Variants in CFAP157 observed in about 807,000 individuals in gnomAD.
CFAP157 encodes cilia- and flagella-associated protein 157.
In CFAP157, 43 loss-of-function variants were observed where a neutral mutation model predicts 57.8. The observed-to-expected ratio is 0.74, with a 90% CI of 0.58 to 0.96. The LOEUF (loss-of-function observed/expected upper bound fraction) is 0.96. CFAP157 is among the 40% of genes least tolerant of loss of function. The pLI is 0.00. For synonymous variants in CFAP157, 267 were observed against 269.0 expected, an observed-to-expected ratio of 0.99 and a Z score of 0.07; for missense variants, 606 against 655.3, an observed-to-expected ratio of 0.92 and a Z score of 0.82.
In CFAP157 at chr9:127,715,190, G is replaced by C. The variant is rs1842925520; in HGVS notation, c.*1285G>C. ...GGGCAGTCCGGGATTCCCCAGGCCA[G>C]CCACCTGCGGGCGGCACCAGGGAAA... is the stretch of plus-strand genomic sequence containing the variant. On this transcript the variant is annotated 3_prime_UTR_variant, in exon 9 of 9. Coordinates refer to ENST00000373295, the MANE Select transcript of CFAP157 (RefSeq NM_001012502.3). This position sits in a 1 kb window ranked among gnomAD's most constrained non-coding sequence, Gnocchi z 5.8. 1 of 1,526,116 alleles carries C rather than the reference G, an allele frequency of 6.6e-7. No individual in the cohort carries two copies. Among genetic ancestry groups the C allele is most frequent in the African/African-American group, 1.4e-5 (1 of 72,696 alleles). The allele number at this position is 1,526,116 out of a possible 1,614,324, so 94.5% of individuals were successfully genotyped here. A position where few individuals can be genotyped will look rare whatever the true frequency, so the allele number is the denominator to read the frequency against.
intron 6 of CFAP157, 71 bp from the exon 7 acceptor site, chr9:127,712,638 T>C: frequency 6.2e-7 from 1 of 1,612,038 alleles, no homozygotes; most frequent in Admixed American, 1.7e-5. Flanking sequence ...GGCACTGAGG[T>C]TGGAATTTCC....
rs565746487 is a variant in CFAP157 at position 127,714,128 on chromosome 9, C to A, written c.*223C>A. The A allele has an allele frequency of 1.2e-6, 2 of 1,613,512 alleles. No individual in the cohort carries two copies. Among genetic ancestry groups the A allele is most frequent in the Non-Finnish European group, 1.7e-6 (2 of 1,179,912 alleles). The stretch of plus-strand genomic sequence containing the variant: ...CGGCCCCAGTGAGGGCCCCTGGCTT[C>A]GCTCACGGATGTGGTCCAAGATCAG... On this transcript the variant is annotated 3_prime_UTR_variant, in exon 9 of 9. Transcript: ENST00000373295.
In CFAP157 at chr9:127,715,763, C is replaced by T; in HGVS notation, c.*1858C>T. On this transcript the variant is annotated 3_prime_UTR_variant, in exon 9 of 9. Coordinates refer to ENST00000373295, the MANE Select transcript of CFAP157 (RefSeq NM_001012502.3). The surrounding 1 kb of genome is among the most constrained non-coding windows in gnomAD (Gnocchi z 5.8). The stretch of plus-strand genomic sequence containing the variant: ...CGGGCCGGGCTACGTGGCCGCCATG[C>T]TTCTGAGGGGCGGAAGCGGCGAGGC... 2 of 1,512,744 alleles carry T rather than the reference C, an allele frequency of 1.3e-6. No homozygotes were observed. The highest frequency in any genetic ancestry group is 1.8e-6 in the Non-Finnish European group (2 of 1,136,822). The allele number at this position is 1,512,744 out of a possible 1,614,324, so 93.7% of individuals were successfully genotyped here.
rs762191160 is a variant in CFAP157, at chr9:127,714,118, C to G, written c.*213C>G. The G allele has an allele frequency of 1.5e-5, 24 of 1,613,098 alleles. No homozygotes were observed. Among genetic ancestry groups the G allele is most frequent in the Non-Finnish European group, 1.9e-5 (23 of 1,179,814 alleles). Reference sequence around the variant, plus strand: ...ACTAGTGTCACGGCCCCAGTGAGGGCCCCTGGCTTCGCTCACGGATGTGGT... The same window carrying G: ...ACTAGTGTCACGGCCCCAGTGAGGGGCCCTGGCTTCGCTCACGGATGTGGT... On this transcript the variant is annotated 3_prime_UTR_variant, in exon 9 of 9. Transcript: ENST00000373295.
rs371520904 is a variant in CFAP157 at position 127,708,096 on chromosome 9, T to C, written c.161+904T>C. Among the ~76,000 whole-genome samples the C allele has an allele frequency of 5.3e-5, 8 of 152,286 alleles. No individual in the cohort carries two copies. In the East Asian group the frequency reaches 1.4e-3, roughly 26 times the overall value. On this transcript the variant is annotated intron_variant, in intron 1 of 8. Transcript: ENST00000373295. ...GAGCCCTGGCCTCCTGACTCCCCTA[T>C]GCAAGACTGCTTCCTCAGCCCCCAC... is the stretch of plus-strand genomic sequence containing the variant.
At position 127,712,328 on chromosome 9, in the gene CFAP157, C is replaced by T; in HGVS notation, c.1116C>T (p.Ser372=). The T allele has an allele frequency of 6.2e-7, 1 of 1,613,978 alleles. No individual in the cohort carries two copies. The highest frequency in any genetic ancestry group is 8.5e-7 in the Non-Finnish European group (1 of 1,180,002). The stretch of plus-strand genomic sequence containing the variant: ...AGGCGGCTCTGGTCCAGGCCACCTC[C>T]TTCCTACAGAACATTCTGCAGGTGA... ...SLEAALVQAT[S]FLQNILQMHR... is the part of the protein sequence containing the mutation. Residue 372 remains serine (S), a synonymous_variant, in exon 6 of 9, where the codon TCC becomes TCT. Transcript: ENST00000373295.
At position 127,710,611 on chromosome 9, in the gene CFAP157, G is replaced by C; in HGVS notation, c.444G>C (p.Leu148=). The C allele has an allele frequency of 2.5e-6, 4 of 1,583,376 alleles. No individual in the cohort carries two copies. Among genetic ancestry groups the C allele is most frequent in the Non-Finnish European group, 3.4e-6 (4 of 1,164,504 alleles). Residue 148 remains leucine, a synonymous_variant, in exon 3 of 9, where the codon CTG becomes CTC. Coordinates refer to ENST00000373295, the MANE Select transcript of CFAP157 (RefSeq NM_001012502.3). ...TTENIILGGK[L]AALEEFRLQK... ...CGCTGTGGCGGCCAGGGGGGAAGCT[G>C]GCAGCCCTGGAGGAGTTCCGGCTGC...
At position 127,710,669 on chromosome 9, in the gene CFAP157, C is replaced by G; in HGVS notation, c.502C>G (p.Leu168Val). 11 of 1,584,398 alleles carry G rather than the reference C, an allele frequency of 6.9e-6. No individual in the cohort carries two copies. The highest frequency in any genetic ancestry group is 9.4e-6 in the Non-Finnish European group (11 of 1,164,830). ...GGAGGTCACGGACAAGTTCACATTG[C>G]TGGAGGAGCAGGTGCGGAAGCAGGA... ...KEEVTDKFTL[L>V]EEQVRKQENE... The change falls in exon 3 of 9, where the codon CTG (leucine) becomes GTG (valine). Residue 168 changes from leucine to valine, a missense_variant. By Grantham distance (32) the Leu-to-Val change is conservative. Transcript: ENST00000373295.
rs565506606 is a variant in CFAP157 at position 127,712,548 on chromosome 9, C to T, written c.1138-161C>T. The T allele has an allele frequency of 8.5e-6, 13 of 1,523,304 alleles. No individual in the cohort carries two copies. In the African/African-American group the frequency reaches 1.7e-4, roughly 19 times the overall value. 94.4% of individuals were successfully genotyped at this position (1,523,304 alleles called of 1,614,324 possible). ...AAGGAGCTGGATTCCTTCTCTGAGG[C>T]TCTGAAAGGTCTTGGGCCTCAGTCT... On this transcript the variant is annotated intron_variant, in intron 6 of 8. Coordinates refer to ENST00000373295, the MANE Select transcript of CFAP157 (RefSeq NM_001012502.3).
At position 127,714,553 on chromosome 9, in the gene CFAP157, A is replaced by C; in HGVS notation, c.*648A>C. On this transcript the variant is annotated 3_prime_UTR_variant, in exon 9 of 9. Transcript: ENST00000373295. ...GGGTCAGCAGCCCTACTCCACCCCA[A>C]CTGGGAGGCCTGAAGCCCTATCCCA... 6.3e-7 allele frequency: 1 copy of C among 1,596,132 alleles called. No individual in the cohort carries two copies. The highest frequency in any genetic ancestry group is 8.6e-7 in the Non-Finnish European group (1 of 1,164,168).
Position 127,709,704 on chromosome 9 carries a change from G to A in CFAP157, c.433+11G>A, listed in dbSNP as rs200871397. ...AGAACATCATCCTTGGTGAGGAGGG[G>A]ACTGGCTGGTGAGCCTGCAGGCACA... On this transcript the variant is annotated intron_variant, in intron 2 of 8. Transcript: ENST00000373295. The surrounding 1 kb of genome is among the most constrained non-coding windows in gnomAD (Gnocchi z 4.7). The A allele has an allele frequency of 2.5e-6, 4 of 1,609,562 alleles. No homozygotes were observed. In the South Asian group the frequency reaches 3.3e-5, roughly 13 times the overall value.
At chr9:127,707,746 C>T (rs1006646050) in intron 1 of CFAP157, among the ~76,000 whole-genome samples, 1 of 152,218 alleles carries the variant, frequency 6.6e-6, no homozygotes, top group Non-Finnish European at 1.5e-5. Flanking sequence ...TCCTCTAACT[C>T]TTCATTCAGA....
chr9:127,712,813 G>A lies in CFAP157; in HGVS notation c.1242G>A (p.Thr414=), dbSNP rs767206683. ...TCATGCTCAGCTCCACTGTGGCCAC[G>A]AGACCTCAGAAGGCTGCGTGTCCCC... ...LLVMLSSTVA[T]RPQKAACPHQ... The change falls in exon 7 of 9, where the codon ACG becomes ACA. Residue 414 remains threonine, a synonymous_variant. Coordinates refer to ENST00000373295, the MANE Select transcript of CFAP157 (RefSeq NM_001012502.3). The A allele has an allele frequency of 2.8e-5, 45 of 1,613,992 alleles. No homozygotes were observed. The highest frequency in any genetic ancestry group is 1.6e-4 in the Middle Eastern group (1 of 6,084).
rs1276064269 is a variant in CFAP157 at position 127,709,969 on chromosome 9, AAT to A, written c.433+282_433+283del. Among the ~76,000 whole-genome samples, 1 of 152,164 alleles carries A rather than the reference AAT, an allele frequency of 6.6e-6. No homozygotes were observed. Among genetic ancestry groups the A allele is most frequent in the African/African-American group, 2.4e-5 (1 of 41,448 alleles). On this transcript the variant is annotated intron_variant, in intron 2 of 8. Coordinates refer to ENST00000373295, the MANE Select transcript of CFAP157 (RefSeq NM_001012502.3). This position sits in a 1 kb window ranked among gnomAD's most constrained non-coding sequence, Gnocchi z 4.7. ...GATGGCATTAGAACCTAGCCCAGAG[AAT>A]ATATACAGTCCAGCTGCTGGCTGGG... is the stretch of plus-strand genomic sequence containing the variant.
rs370498491 is a variant in CFAP157, at chr9:127,707,112, G to A, written c.81G>A (p.Val27=). 6.2e-7 allele frequency: 1 copy of A among 1,613,694 alleles called. No homozygotes were observed. Among genetic ancestry groups the A allele is most frequent in the African/African-American group, 1.3e-5 (1 of 74,976 alleles). ...KKKGGKKEPV[V]AVEPPLAKEM... The stretch of plus-strand genomic sequence containing the variant: ...AAGGGGGCAAGAAGGAGCCGGTGGT[G>A]GCCGTGGAGCCGCCTCTGGCCAAGG... The change falls in exon 1 of 9, where the codon GTG becomes GTA. Residue 27 remains valine (V), a synonymous_variant. Coordinates refer to ENST00000373295, the MANE Select transcript of CFAP157 (RefSeq NM_001012502.3).
Position 127,715,416 on chromosome 9 carries a change from C to T in CFAP157, c.*1511C>T. 2 of 1,389,626 alleles carry T rather than the reference C, an allele frequency of 1.4e-6. No homozygotes were observed. Among genetic ancestry groups the T allele is most frequent in the Middle Eastern group, 1.8e-4 (1 of 5,698 alleles). 86.1% of individuals were successfully genotyped at this position (1,389,626 alleles called of 1,614,324 possible). A position where few individuals can be genotyped will look rare whatever the true frequency, so the allele number is the denominator to read the frequency against. On this transcript the variant is annotated 3_prime_UTR_variant, in exon 9 of 9. Transcript: ENST00000373295. This position sits in a 1 kb window ranked among gnomAD's most constrained non-coding sequence, Gnocchi z 5.8. ...ACGGAGCTTCAAGAAGTTTGGAGCCCGTCGAGCACTGAACTCACCAGTTAA... is the reference window on the plus strand; with the variant it reads ...ACGGAGCTTCAAGAAGTTTGGAGCCTGTCGAGCACTGAACTCACCAGTTAA...
rs183954307 is a variant in CFAP157, at chr9:127,711,338, G to A, written c.697G>A (p.Gly233Ser). 50 of 1,614,194 alleles carry A rather than the reference G, an allele frequency of 3.1e-5. No individual in the cohort carries two copies. In the Middle Eastern group the frequency reaches 4.9e-4, roughly 16 times the overall value. Residue 233 changes from glycine (G) to serine (S), a missense_variant, in exon 4 of 9, where the codon GGC becomes AGC. Transcript: ENST00000373295. ...TTKRAIKENN[G>S]ITLQMARVSQ... ...CAAGCGGGCCATCAAAGAGAACAAC[G>A]GCATTACCCTGCAGATGGCCAGGGT...
intron 2 of CFAP157, among the ~76,000 whole-genome samples, chr9:127,710,297 A>C (rs1372093339): frequency 6.6e-6 from 1 of 151,420 alleles, no homozygotes; most frequent in East Asian, 1.9e-4. Context: ...AAAAAAAAAA[A>C]AACAAAACAG....
chr9:127,713,571 A>G (rs1842821055), intron 8 of CFAP157: 1 of 364,752 alleles, frequency 2.7e-6, no homozygotes, highest in Non-Finnish European at 4.9e-6. Flanking sequence ...CAGTGCCACA[A>G]TCTCAGCTCA....
Sources: allele counts gnomAD v4.1 joint callset (sites outside exome capture counted in the v4.1 genomes callset), GRCh38; gene constraint gnomAD v4.1.1; non-coding constraint Gnocchi (gnomAD v3.1); transcripts MANE v1.5; gene names NCBI Gene and HGNC (gene_info 2026-07-23, HGNC 2026-07-21).